LRIF1: variants seen among roughly 807,000 people sequenced by gnomAD.
The protein encoded by LRIF1 is ligand-dependent nuclear receptor-interacting factor 1.
LRIF1 carries 32 observed loss-of-function variants against 52.7 expected under a neutral mutation model. The ratio of observed to expected loss-of-function variants is 0.61; its 90% confidence interval spans 0.46 to 0.82. The LOEUF is 0.82. Ranked by LOEUF, LRIF1 falls within the 40% of genes least tolerant of loss-of-function variation. The pLI is 0.00. For missense variants in LRIF1, 887 were observed against 892.0 expected (o/e 0.99, Z 0.07); for synonymous variants, 323 against 317.4 (o/e 1.02, Z -0.19).
At chr1:110,940,402 A>G in the LRIF1 span, 1 of 152,186 alleles carries the variant, frequency 6.6e-6, no homozygotes, top group African/African-American at 2.4e-5. Context: ...TAGCACAACT[A>G]CTATTGAGAA....
the LRIF1 span, among the ~76,000 whole-genome samples, chr1:110,878,822 ATG>A: frequency 6.6e-6 from 1 of 152,206 alleles, no homozygotes; most frequent in African/African-American, 2.4e-5. Context: ...GGAGAAAGAA[ATG>A]TGTTCTAATA....
chr1:110,889,330 G>T, the LRIF1 span, among the ~76,000 whole-genome samples: 1 of 151,910 alleles, frequency 6.6e-6, no homozygotes, highest in Admixed American at 6.6e-5. Context: ...GCTGAGACGG[G>T]TAGATCACCA....
At chr1:110,914,486 A>T in the LRIF1 span, among the ~76,000 whole-genome samples, 1 of 152,186 alleles carries the variant, frequency 6.6e-6, no homozygotes, top group Non-Finnish European at 1.5e-5. Flanking sequence ...TGCAAACAAA[A>T]ACCACAATAA....
At chr1:110,923,412 G>A in the LRIF1 span, among the ~76,000 whole-genome samples, 1 of 152,006 alleles carries the variant, frequency 6.6e-6, no homozygotes, top group Non-Finnish European at 1.5e-5. Context: ...TTTGGGGAAG[G>A]GGCATTATTA....
At chr1:110,881,314 T>C in the LRIF1 span, among the ~76,000 whole-genome samples, 1 of 152,066 alleles carries the variant, frequency 6.6e-6, no homozygotes, top group African/African-American at 2.4e-5. Flanking sequence ...TATAGATTAG[T>C]TTTCATTTTC....
rs1170713999 is a variant in LRIF1 at position 110,952,715 on chromosome 1, G to A, written c.169C>T (p.Pro57Ser). 1 of 1,613,846 alleles carries A rather than the reference G, an allele frequency of 6.2e-7. No individual in the cohort carries two copies. The highest frequency in any genetic ancestry group is 8.5e-7 in the Non-Finnish European group (1 of 1,179,942). Reference sequence around the variant, plus strand: ...GACATGACTGAAGATTGAACTAGTGGTATAAGATTTCCAGAAGACTTAGGA... The same window carrying A: ...GACATGACTGAAGATTGAACTAGTGATATAAGATTTCCAGAAGACTTAGGA... ...PIPKSSGNLI[P>S]LVQSSVMSDA... Residue 57 changes from proline to serine, a missense_variant, in exon 2 of 4, where the codon CCA becomes TCA. Pro to Ser is a moderately conservative substitution (Grantham distance 74). Transcript: ENST00000369763.
intron 1 of LRIF1, among the ~76,000 whole-genome samples, chr1:110,958,234 G>A (rs540838474): frequency 2.0e-5 from 3 of 152,048 alleles, no homozygotes; most frequent in Admixed American, 1.3e-4. Flanking sequence ...TGCTATTCTG[G>A]AATATGCCAT....
chr1:110,944,131 T>A (rs550010445), downstream of LRIF1: 3 of 152,346 alleles, frequency 2.0e-5, no homozygotes, highest in Non-Finnish European at 2.9e-5. Context: ...ATAATCCAAT[T>A]CAGGGCTGAT....
the LRIF1 span, chr1:110,897,857 A>C: frequency 1.2e-6 from 2 of 1,612,016 alleles, no homozygotes; most frequent in Admixed American, 3.3e-5. Context: ...TTTCCTGTAT[A>C]TCGGAATCAT....
At chr1:110,902,622 A>G in the LRIF1 span, among the ~76,000 whole-genome samples, 2 of 152,142 alleles carry the variant, frequency 1.3e-5, no homozygotes, top group African/African-American at 4.8e-5. Flanking sequence ...TACAAGAAGG[A>G]TCAAAGAGAA....
chr1:110,885,368 C>A, the LRIF1 span, among the ~76,000 whole-genome samples: 1 of 151,934 alleles, frequency 6.6e-6, no homozygotes, highest in Non-Finnish European at 1.5e-5. Flanking sequence ...GAAACCCCGT[C>A]TCTATTAAAA....
chr1:110,887,156 C>T, the LRIF1 span, among the ~76,000 whole-genome samples: 2 of 151,936 alleles, frequency 1.3e-5, no homozygotes, highest in African/African-American at 4.8e-5. Context: ...CTCCGTCTCC[C>T]GGGTTCACGC....
rs142104111 is a variant in LRIF1, at chr1:110,948,215, C to T, written c.2054G>A (p.Ser685Asn). Residue 685 changes from serine to asparagine, a missense_variant, in exon 4 of 4, where the codon AGC becomes AAC. Transcript: ENST00000369763. ...VSQHNILTSHSKTRQEKRTEM... is the reference protein window; with the variant it reads ...VSQHNILTSHNKTRQEKRTEM... ...AGTTCTCTTTTCTTGTCTGGTTTTG[C>T]TGTGACTCGTGAGAATGTTATGTTG... The T allele has an allele frequency of 4.5e-3, 7,276 of 1,614,034 alleles. 23 individuals carry two copies. Among genetic ancestry groups the T allele is most frequent in the Non-Finnish European group, 5.7e-3 (6,759 of 1,179,988 alleles).
At chr1:110,888,282 C>T in the LRIF1 span, among the ~76,000 whole-genome samples, 14 of 152,198 alleles carry the variant, frequency 9.2e-5, no homozygotes, top group African/African-American at 1.7e-4. Context: ...GCACCCGCTG[C>T]GAATCTCTGG....
the LRIF1 span, among the ~76,000 whole-genome samples, chr1:110,921,829 A>G: frequency 6.6e-6 from 1 of 152,178 alleles, no homozygotes; most frequent in Admixed American, 6.5e-5. Context: ...CTTTTTTAAA[A>G]AAAGCTTTTA....
rs1659066032 is a variant in LRIF1, at chr1:110,963,746, T to G, written c.-58A>C. On this transcript the variant is annotated 5_prime_UTR_variant, in exon 1 of 4. Coordinates refer to ENST00000369763, the MANE Select transcript of LRIF1 (RefSeq NM_018372.4). ...AAAAGTGGGAAGCGTGGGGCCGAGT[T>G]TCCCAATGGGGCGAGAACCAGAGCG... 6.5e-6 allele frequency: 9 copies of G among 1,389,026 alleles called. No individual in the cohort carries two copies. Among genetic ancestry groups the G allele is most frequent in the Non-Finnish European group, 9.1e-6 (9 of 993,294 alleles). 86.0% of individuals were successfully genotyped at this position (1,389,026 alleles called of 1,614,324 possible).
the LRIF1 span, among the ~76,000 whole-genome samples, chr1:110,925,467 T>C: frequency 6.6e-6 from 1 of 152,172 alleles, no homozygotes; most frequent in Admixed American, 6.6e-5. Context: ...ACTCTATTGG[T>C]TCTGTTTTTC....
the LRIF1 span, among the ~76,000 whole-genome samples, chr1:110,892,089 C>T: frequency 0.41 from 62,762 of 151,986 alleles, 14,715 homozygotes; most frequent in Admixed American, 0.55. Context: ...GGTGAAGATA[C>T]TGTGTGGCTC....
chr1:110,949,888 T>C lies in LRIF1; in HGVS notation c.1832A>G (p.Glu611Gly), dbSNP rs1658388373. 1.9e-6 allele frequency: 3 copies of C among 1,614,122 alleles called. No homozygotes were observed. The highest frequency in any genetic ancestry group is 2.2e-5 in the East Asian group (1 of 44,862). The change falls in exon 3 of 4, where the codon GAG becomes GGG. Residue 611 changes from glutamate (E) to glycine (G), a missense_variant. Physicochemically the swap from Glu to Gly is moderately conservative, Grantham distance 98. Transcript: ENST00000369763. ...TCCTTCCTTCACCATAAACTCTGTC[T>C]CTTTGTAAGTACCACTCTTTACCAA... ...SSLVKSGTYK[E>G]TEFMVKEGER...
Sources: allele counts gnomAD v4.1 joint callset (sites outside exome capture counted in the v4.1 genomes callset), GRCh38; gene constraint gnomAD v4.1.1; transcripts MANE v1.5; gene names NCBI Gene and HGNC (gene_info 2026-07-23, HGNC 2026-07-21).